IQCM: variants seen among roughly 807,000 people sequenced by gnomAD.
IQCM encodes IQ motif containing M, also known as IQ domain-containing protein M.
In IQCM, 45 loss-of-function variants were observed where a neutral mutation model predicts 57.6. The ratio of observed to expected loss-of-function variants is 0.78; its 90% confidence interval spans 0.62 to 1.00. IQCM has a LOEUF of 1.00. Ranked by LOEUF, IQCM falls within the 50% of genes least tolerant of loss-of-function variation. The pLI, the probability that IQCM is intolerant of heterozygous loss-of-function variation, is 0.00. For missense variants in IQCM, 468 were observed against 511.6 expected (o/e 0.91, Z 0.82); for synonymous variants, 148 against 158.9 (o/e 0.93, Z 0.51).
At chr4:149,611,810 T>C (rs951399408) in intron 8 of IQCM, among the ~76,000 whole-genome samples, 4 of 152,028 alleles carry the variant, frequency 2.6e-5, no homozygotes, top group African/African-American at 7.2e-5. Context: ...TGATTTATTG[T>C]ATATTTCAAA....
chr4:149,639,289 G>T (rs1027555337), intron 7 of IQCM, among the ~76,000 whole-genome samples: 2 of 151,980 alleles, frequency 1.3e-5, no homozygotes, highest in Non-Finnish European at 2.9e-5. Flanking sequence ...AGCTGCACAT[G>T]GTGGCACGCA....
At position 149,514,524 on chromosome 4, in the gene IQCM, C is replaced by T. The variant is rs1344546659; in HGVS notation, c.1228+33931G>A. The T allele has an allele frequency of 2.0e-5, 3 of 152,306 alleles. No homozygotes were observed. In the East Asian group the frequency reaches 5.8e-4, roughly 29 times the overall value. 9.4% of individuals were successfully genotyped at this position (152,306 alleles called of 1,614,324 possible). The stretch of plus-strand genomic sequence containing the variant: ...GCATAGGATGAAAAGCATTTACTTA[C>T]CTCATATGTGTTTATCATATCAATG... On this transcript the variant is annotated intron_variant, in intron 12 of 13. Transcript: ENST00000636793.
chr4:149,580,679 G>A (rs1752098033), intron 9 of IQCM, among the ~76,000 whole-genome samples: 1 of 151,616 alleles, frequency 6.6e-6, no homozygotes, highest in African/African-American at 2.4e-5. Flanking sequence ...TAATAACTGA[G>A]ATAAAGAACA....
At position 149,620,033 on chromosome 4, in the gene IQCM, G is replaced by A. The variant is rs72957436; in HGVS notation, c.681+1096C>T. ...TTATCCAGGCATGGTGGCAAGCATCGGTAATCCCAGCTACTCAGAAGGCTG... is the reference window on the plus strand; with the variant it reads ...TTATCCAGGCATGGTGGCAAGCATCAGTAATCCCAGCTACTCAGAAGGCTG... On this transcript the variant is annotated intron_variant, in intron 8 of 13. Transcript: ENST00000636793. Among the ~76,000 whole-genome samples the A allele has an allele frequency of 9.9e-5, 15 of 151,974 alleles. 1 individual carries two copies. In the South Asian group the frequency reaches 1.0e-3, roughly 11 times the overall value.
At chr4:149,539,900 G>A (rs1359670700) in intron 12 of IQCM, among the ~76,000 whole-genome samples, 2 of 151,984 alleles carry the variant, frequency 1.3e-5, no homozygotes, top group Non-Finnish European at 2.9e-5. Context: ...AATCTTTATT[G>A]CATCCTGATT....
chr4:149,523,644 G>T (rs1402224330), intron 12 of IQCM, among the ~76,000 whole-genome samples: 2 of 152,050 alleles, frequency 1.3e-5, no homozygotes, highest in Non-Finnish European at 1.5e-5. Context: ...TCATTCACTG[G>T]AATATCTACA....
chr4:149,683,514 G>C (rs1362311939), intron 6 of IQCM, among the ~76,000 whole-genome samples: 1 of 151,260 alleles, frequency 6.6e-6, no homozygotes, highest in Non-Finnish European at 1.5e-5. Context: ...TGCCCACAGA[G>C]TTGGCCAAAG....
chr4:149,451,340 C>A (rs1301898114), intron 12 of IQCM, among the ~76,000 whole-genome samples: 3 of 151,666 alleles, frequency 2.0e-5, no homozygotes, highest in Admixed American at 2.0e-4. Context: ...AGTGTATAAT[C>A]AGATAGTTTG....
At chr4:149,354,607 C>G (rs1156884926) in intron 13 of IQCM, among the ~76,000 whole-genome samples, 1 of 151,858 alleles carries the variant, frequency 6.6e-6, no homozygotes, top group Non-Finnish European at 1.5e-5. Context: ...TATATTTCAT[C>G]AAGCAAGAGA....
intron 5 of IQCM, among the ~76,000 whole-genome samples, chr4:149,708,545 T>G (rs1197032483): frequency 6.6e-6 from 1 of 152,032 alleles, no homozygotes; most frequent in African/African-American, 2.4e-5. Flanking sequence ...AATTGCCTTT[T>G]GAGAAATAGG....
chr4:149,726,093 A>AAGAAAGAG (rs1765882673), intron 5 of IQCM, among the ~76,000 whole-genome samples: 1 of 145,816 alleles, frequency 6.9e-6, no homozygotes, highest in African/African-American at 2.6e-5. Context: ...GAAAGAAAGA[A>AAGAAAGAG]AGAAAGAAAG....
intron 12 of IQCM, among the ~76,000 whole-genome samples, chr4:149,451,352 AAC>A (rs1737100439): frequency 6.6e-6 from 1 of 151,868 alleles, no homozygotes; most frequent in African/African-American, 2.4e-5. Context: ...GATAGTTTGT[AAC>A]ACAAAGCATA....
intron 12 of IQCM, among the ~76,000 whole-genome samples, chr4:149,489,411 C>A (rs920701443): frequency 3.9e-5 from 6 of 151,956 alleles, no homozygotes; most frequent in Non-Finnish European, 8.8e-5. Flanking sequence ...CTTTTATTTA[C>A]CATGGTAGGT....
At chr4:149,528,324 T>C (rs1009578686) in intron 12 of IQCM, among the ~76,000 whole-genome samples, 10 of 152,154 alleles carry the variant, frequency 6.6e-5, no homozygotes, top group African/African-American at 2.4e-4. Flanking sequence ...TTGTCTCAAC[T>C]GAGGCACCAT....
chr4:149,524,194 G>T (rs1178366615), intron 12 of IQCM, among the ~76,000 whole-genome samples: 1 of 152,114 alleles, frequency 6.6e-6, no homozygotes, highest in Non-Finnish European at 1.5e-5. Flanking sequence ...CTAACAAGAA[G>T]TTGACAAATT....
intron 12 of IQCM, among the ~76,000 whole-genome samples, chr4:149,506,393 A>T (rs1277760193): frequency 1.3e-5 from 2 of 152,208 alleles, no homozygotes; most frequent in Non-Finnish European, 2.9e-5. Context: ...ATTCCCTGAC[A>T]TCAGAATAAG....
intron 3 of IQCM, among the ~76,000 whole-genome samples, chr4:149,739,056 G>C (rs1016880597): frequency 6.6e-6 from 1 of 152,080 alleles, no homozygotes; most frequent in African/African-American, 2.4e-5. Flanking sequence ...AAGAATATAA[G>C]CTTGCATCTT....
intron 8 of IQCM, among the ~76,000 whole-genome samples, chr4:149,591,352 T>C (rs983126325): frequency 6.6e-6 from 1 of 152,094 alleles, no homozygotes; most frequent in African/African-American, 2.4e-5. Flanking sequence ...GCATCTTAAT[T>C]ATAGATACAT....
intron 2 of IQCM, among the ~76,000 whole-genome samples, chr4:149,743,202 C>T (rs1767622026): frequency 6.6e-6 from 1 of 152,182 alleles, no homozygotes; most frequent in Non-Finnish European, 1.5e-5. Context: ...ATACCTTATA[C>T]ACTCCTGCCT....
Sources: gnomAD v4.1 joint callset for allele counts (sites outside exome capture counted in the v4.1 genomes callset) on GRCh38, gnomAD v4.1.1 for gene constraint, MANE v1.5 for transcripts, NCBI Gene and HGNC (gene_info 2026-07-23, HGNC 2026-07-21) for gene names.